Variants in LATS2 observed in about 807,000 individuals in gnomAD.
LATS2 encodes the protein large tumor suppressor kinase 2.
LATS2 carries 24 observed loss-of-function variants against 76.0 expected under a neutral mutation model. That is an observed-to-expected ratio of 0.32 (90% CI 0.23 to 0.44). LATS2 has a LOEUF of 0.44. Ranked by LOEUF, LATS2 falls within the 20% of genes least tolerant of loss-of-function variation. The probability of loss-of-function intolerance (pLI) is 1.00; values close to 1 mark genes in which losing one functional copy is unlikely to be tolerated. For missense variants in LATS2, 1,286 were observed against 1,481.2 expected (o/e 0.87, Z 2.16); for synonymous variants, 692 against 635.4 (o/e 1.09, Z -1.34).
At chr13:21,024,832 T>C (rs948280765) in intron 2 of LATS2, among the ~76,000 whole-genome samples, 4 of 152,002 alleles carry the variant, frequency 2.6e-5, no homozygotes, top group Non-Finnish European at 5.9e-5. Flanking sequence ...CCAAATCGGG[T>C]GTGTATCCTA....
Position 21,049,169 on chromosome 13 carries a change from T to TC in LATS2, c.-204-2940dup, listed in dbSNP as rs536234138. Among the ~76,000 whole-genome samples, 12 of 152,206 alleles carry TC rather than the reference T, an allele frequency of 7.9e-5. No individual in the cohort carries two copies. In the East Asian group the frequency reaches 1.5e-3, roughly 20 times the overall value. ...CTGGAGACATAGGAGGTCAAAGGAC[T>TC]CGGGGGTAGTGGGGGTGTCTCGTGG... On this transcript the variant is annotated intron_variant, in intron 1 of 7. Transcript: ENST00000382592.
chr13:21,006,199 T>C (rs189731244), intron 2 of LATS2, among the ~76,000 whole-genome samples: 1 of 145,982 alleles, frequency 6.9e-6, no homozygotes, highest in East Asian at 2.3e-4. Flanking sequence ...CAGCTTATCA[T>C]GTGTGAGGAA....
intron 2 of LATS2, among the ~76,000 whole-genome samples, chr13:21,010,837 G>A (rs1482534657): frequency 6.6e-6 from 1 of 152,170 alleles, no homozygotes; most frequent in African/African-American, 2.4e-5. Flanking sequence ...TGACCAATCA[G>A]AGCTCAGCAA....
intron 2 of LATS2, among the ~76,000 whole-genome samples, chr13:21,034,445 CA>C (rs1456592393): frequency 6.6e-6 from 1 of 152,110 alleles, no homozygotes; most frequent in Non-Finnish European, 1.5e-5. Context: ...AGCTCCTTGA[CA>C]AAAGAGCCAG....
chr13:21,045,845 T>C lies in LATS2; in HGVS notation c.182A>G (p.Gln61Arg), dbSNP rs1873055279. 3 of 1,614,122 alleles carry C rather than the reference T, an allele frequency of 1.9e-6. No homozygotes were observed. Among genetic ancestry groups the C allele is most frequent in the East Asian group, 2.2e-5 (1 of 44,888 alleles). ...CTTTGGGGTGGCTCTCATCTGCTGCTGCTGCCTGGTGGCATCTTTGCTCCC... is the reference window on the plus strand; with the variant it reads ...CTTTGGGGTGGCTCTCATCTGCTGCCGCTGCCTGGTGGCATCTTTGCTCCC... The part of the protein sequence containing the change: ...VLGSKDATRQ[Q>R]QQMRATPKFG... The change falls in exon 2 of 8, where the codon CAG (glutamine) becomes CGG (arginine). Residue 61 changes from glutamine to arginine, a missense_variant. This residue lies in a region of LATS2 where 101 missense variants were observed against 141.4 expected (regional missense o/e 0.71). Coordinates refer to ENST00000382592, the MANE Select transcript of LATS2 (RefSeq NM_014572.3).
intron 2 of LATS2, among the ~76,000 whole-genome samples, chr13:20,995,088 T>C (rs12323117): frequency 0.1 from 15,309 of 152,062 alleles, 949 homozygotes; most frequent in South Asian, 0.17. Flanking sequence ...CGTTTCCTCA[T>C]CTGGGAAATA....
At chr13:21,037,683 G>A (rs1872727677) in intron 2 of LATS2, among the ~76,000 whole-genome samples, 1 of 152,128 alleles carries the variant, frequency 6.6e-6, no homozygotes, top group Non-Finnish European at 1.5e-5. Flanking sequence ...ATTTTGACTG[G>A]AGGCTCAGAA....
intron 7 of LATS2, 35 bp downstream of exon 7, chr13:20,979,656 T>A: frequency 8.4e-7 from 1 of 1,190,234 alleles, no homozygotes; most frequent in South Asian, 1.3e-5. Flanking sequence ...ATCAGATGTC[T>A]ACAGCAAGCA....
intron 4 of LATS2, among the ~76,000 whole-genome samples, chr13:20,986,100 C>T (rs1281331509): frequency 6.6e-6 from 1 of 152,122 alleles, no homozygotes; most frequent in Non-Finnish European, 1.5e-5. Flanking sequence ...AAAGAAGATA[C>T]ACAAATGGCT....
chr13:20,976,445 T>C (rs1383626305), intron 7 of LATS2, among the ~76,000 whole-genome samples: 1 of 152,142 alleles, frequency 6.6e-6, no homozygotes, highest in Non-Finnish European at 1.5e-5. Context: ...AAAAAATAAA[T>C]TGGACTGCAT....
At chr13:21,005,160 A>T (rs1871216664) in intron 2 of LATS2, 1 of 152,300 alleles carries the variant, frequency 6.6e-6, no homozygotes, top group Non-Finnish European at 1.5e-5. Context: ...AAGGCAGCCC[A>T]ACACTAAGTT....
At chr13:20,995,395 G>A (rs983093586) in intron 2 of LATS2, among the ~76,000 whole-genome samples, 1 of 152,128 alleles carries the variant, frequency 6.6e-6, no homozygotes, top group African/African-American at 2.4e-5. Context: ...CATTATCCAC[G>A]TCTATGCATG....
intron 2 of LATS2, among the ~76,000 whole-genome samples, chr13:20,998,542 T>C (rs906516502): frequency 6.6e-6 from 1 of 151,948 alleles, no homozygotes; most frequent in Non-Finnish European, 1.5e-5. Flanking sequence ...AAGGCCTAGA[T>C]TTTTTTATGA....
chr13:20,973,326 T>C lies in LATS2; in HGVS notation c.*1544A>G, dbSNP rs1003012282. 1.7e-5 allele frequency: 4 copies of C among 231,172 alleles called. No individual in the cohort carries two copies. The highest frequency in any genetic ancestry group is 5.6e-5 in the Admixed American group (1 of 17,704). The allele number at this position is 231,172 out of a possible 1,614,324, so 14.3% of individuals were successfully genotyped here. On this transcript the variant is annotated 3_prime_UTR_variant, in exon 8 of 8. Coordinates refer to ENST00000382592, the MANE Select transcript of LATS2 (RefSeq NM_014572.3). ...TGATAAACTTCTAAGTGTTGTTGCC[T>C]AGATATATACTAAGTAATGGATACA...
rs113504792 is a variant in LATS2, at chr13:21,050,929, C to G, written c.-204-4699G>C. Among the ~76,000 whole-genome samples the G allele has an allele frequency of 2.0e-5, 3 of 152,350 alleles. No homozygotes were observed. In the East Asian group the frequency reaches 5.8e-4, roughly 29 times the overall value. On this transcript the variant is annotated intron_variant, in intron 1 of 7. Coordinates refer to ENST00000382592, the MANE Select transcript of LATS2 (RefSeq NM_014572.3). ...GCCCACGCATAGACATGCCATGATACCACAGCCACGTGAGGGGGGGCAGGA... is the reference window on the plus strand; with the variant it reads ...GCCCACGCATAGACATGCCATGATAGCACAGCCACGTGAGGGGGGGCAGGA...
Position 20,979,787 on chromosome 13 carries a change from T to G in LATS2, c.2676A>C (p.Gln892His). Residue 892 changes from glutamine (Q) to histidine (H), a missense_variant, in exon 7 of 8, where the codon CAA (glutamine) becomes CAC (histidine). Physicochemically the swap from Gln to His is conservative, Grantham distance 24. Transcript: ENST00000382592. ...PEVLLRKGYT[Q>H]LCDWWSVGVI... ...CTCCAACACTCCACCAGTCACAGAG[T>G]TGAGTGTACCCTGCAAGACAAAGTT... 2 of 1,602,264 alleles carry G rather than the reference T, an allele frequency of 1.2e-6. No individual in the cohort carries two copies. The highest frequency in any genetic ancestry group is 1.7e-6 in the Non-Finnish European group (2 of 1,170,168).
chr13:21,012,139 CAGAAT>C (rs1871614994), intron 2 of LATS2, among the ~76,000 whole-genome samples: 1 of 152,008 alleles, frequency 6.6e-6, no homozygotes, highest in African/African-American at 2.4e-5. Context: ...GCAACTGTAA[CAGAAT>C]AGTGTTTATC....
At position 20,988,816 on chromosome 13, in the gene LATS2, C is replaced by T. The variant is rs772459145; in HGVS notation, c.964G>A (p.Gly322Ser). Residue 322 changes from glycine to serine, a missense_variant, in exon 4 of 8, where the codon GGT (glycine) becomes AGT (serine). Transcript: ENST00000382592. Reference sequence around the variant, plus strand: ...ACATGCAGCTGGTGGGCCGCGGGACCGGCCTGCTTGTGGTGTGGGTGCGGC... The same window carrying T: ...ACATGCAGCTGGTGGGCCGCGGGACTGGCCTGCTTGTGGTGTGGGTGCGGC... ...YVPHPHHKQA[G>S]PAAHQLHVLG... The T allele has an allele frequency of 2.5e-6, 4 of 1,596,784 alleles. No individual in the cohort carries two copies. In the South Asian group the frequency reaches 4.4e-5, roughly 18 times the overall value.
chr13:21,022,562 C>T (rs1336038914), intron 2 of LATS2, among the ~76,000 whole-genome samples: 4 of 152,188 alleles, frequency 2.6e-5, no homozygotes, highest in Non-Finnish European at 5.9e-5. Context: ...CACCTTGTCC[C>T]TCATTCAAAA....
Sources: allele counts gnomAD v4.1 joint callset (sites outside exome capture counted in the v4.1 genomes callset), GRCh38; gene constraint gnomAD v4.1.1; regional missense constraint gnomAD v4.1.1; transcripts MANE v1.5; gene names NCBI Gene and HGNC (gene_info 2026-07-23, HGNC 2026-07-21).